FLVCR1: variants seen among roughly 807,000 people sequenced by gnomAD.
The protein encoded by FLVCR1 is FLVCR choline and heme transporter 1.
FLVCR1 carries 34 observed loss-of-function variants against 53.6 expected under a neutral mutation model. That is an observed-to-expected ratio of 0.63 (90% CI 0.48 to 0.84). The LOEUF is 0.84. FLVCR1 is among the 40% of genes least tolerant of loss of function. FLVCR1 has a pLI of 0.00. For synonymous variants in FLVCR1, 300 were observed against 286.3 expected, an observed-to-expected ratio of 1.05 and a Z score of -0.48; for missense variants, 677 against 696.7, an observed-to-expected ratio of 0.97 and a Z score of 0.32.
At position 212,875,679 on chromosome 1, in the gene FLVCR1, A is replaced by G. The variant is rs545977269; in HGVS notation, c.1024+2861A>G. ...ATGTGGCAAAACCCCATGTTTACTA[A>G]AAATACAAAAATTAGCTGGGCATGG... On this transcript the variant is annotated intron_variant, in intron 3 of 9. Transcript: ENST00000366971. Among the ~76,000 whole-genome samples the G allele has an allele frequency of 1.1e-4, 17 of 151,948 alleles. No homozygotes were observed. The South Asian group carries it at 3.3e-3, about 30-fold the overall frequency.
At chr1:212,884,124 A>G (rs1249572334) in intron 4 of FLVCR1, among the ~76,000 whole-genome samples, 1 of 152,042 alleles carries the variant, frequency 6.6e-6, no homozygotes, top group East Asian at 1.9e-4. Context: ...ACATGGAGAA[A>G]CCCTGTCTCT....
chr1:212,870,952 T>C (rs375007278), intron 2 of FLVCR1, among the ~76,000 whole-genome samples: 5 of 152,282 alleles, frequency 3.3e-5, no homozygotes, highest in East Asian at 3.9e-4. Flanking sequence ...TAATTTTTTG[T>C]AGAGACGGGG....
At chr1:212,883,560 T>C in intron 4 of FLVCR1, 122 bp downstream of exon 4, 1 of 647,070 alleles carries the variant, frequency 1.5e-6, no homozygotes. Context: ...ATATTTACAT[T>C]TGTTTTAATT....
intron 2 of FLVCR1, among the ~76,000 whole-genome samples, chr1:212,868,631 A>G (rs1005401344): frequency 6.6e-6 from 1 of 151,714 alleles, no homozygotes; most frequent in Non-Finnish European, 1.5e-5. Context: ...CTGGATTCAA[A>G]CTCCTGACCT....
Position 212,872,188 on chromosome 1 carries a change from C to T in FLVCR1, c.884-490C>T, listed in dbSNP as rs531136162. On this transcript the variant is annotated intron_variant, in intron 2 of 9. Coordinates refer to ENST00000366971, the MANE Select transcript of FLVCR1 (RefSeq NM_014053.4). The stretch of plus-strand genomic sequence containing the variant: ...GGAGTGCAATGGCGCAGTCACAGCT[C>T]ACTGCAGCCTTGACCTCCCAGGCTC... 3.3e-5 allele frequency among the ~76,000 whole-genome samples: 5 copies of T among 152,130 alleles called. No homozygotes were observed. The South Asian group carries it at 1.0e-3, about 32-fold the overall frequency.
intron 1 of FLVCR1, among the ~76,000 whole-genome samples, chr1:212,860,588 T>C (rs76886848): frequency 0.023 from 3,478 of 152,164 alleles, 62 homozygotes; most frequent in South Asian, 0.041. Context: ...GTCACTCTCT[T>C]TACATTATTT....
chr1:212,860,350 G>GTGTTTTTTTTTTTTTTTTTTTTTTTTTTT (rs1664185756), intron 1 of FLVCR1, among the ~76,000 whole-genome samples: 1 of 85,824 alleles, frequency 1.2e-5, no homozygotes, highest in East Asian at 4.1e-4. Flanking sequence ...TGTGTGTGTG[G>GTGTTTTTTTTTTTTTTTTTTTTTTTTTTT]TTTTTTTTTT....
chr1:212,869,501 A>G (rs531558832), intron 2 of FLVCR1, among the ~76,000 whole-genome samples: 6 of 152,354 alleles, frequency 3.9e-5, no homozygotes, highest in Admixed American at 3.3e-4. Flanking sequence ...TCTTGTATTC[A>G]AAAAATAAAT....
chr1:212,889,354 A>C, intron 8 of FLVCR1, 97 bp downstream of exon 8: 1 of 774,926 alleles, frequency 1.3e-6, no homozygotes, highest in South Asian at 1.4e-5. Flanking sequence ...AAGGGGAAAA[A>C]AATGAGATAA....
intron 6 of FLVCR1, 122 bp downstream of exon 6, chr1:212,888,123 G>T: frequency 3.0e-6 from 2 of 675,906 alleles, no homozygotes; most frequent in Non-Finnish European, 5.2e-6. Context: ...AACTTTAAAG[G>T]ATTCATTCTA....
intron 2 of FLVCR1, among the ~76,000 whole-genome samples, chr1:212,871,664 G>A (rs1664600388): frequency 6.6e-6 from 1 of 152,128 alleles, no homozygotes; most frequent in South Asian, 2.1e-4. Flanking sequence ...GATTACAAAA[G>A]TGAGCACCAT....
chr1:212,872,982 C>G lies in FLVCR1; in HGVS notation c.1024+164C>G, dbSNP rs191609109. Among the ~76,000 whole-genome samples, 388 of 152,220 alleles carry G rather than the reference C, an allele frequency of 2.5e-3. 4 individuals are homozygous for G. The highest frequency in any genetic ancestry group is 0.015 in the South Asian group (72 of 4,816). ...AAGCAGAAAATCCAGGATGGATCTTCTTACATATTTTTAAAAATAATAATT... is the reference window on the plus strand; with the variant it reads ...AAGCAGAAAATCCAGGATGGATCTTGTTACATATTTTTAAAAATAATAATT... On this transcript the variant is annotated intron_variant, in intron 3 of 9. Transcript: ENST00000366971.
chr1:212,863,928 C>T lies in FLVCR1; in HGVS notation c.883+59C>T, dbSNP rs995750917. ...ATGCATGATAGAAATTTGAGAATAA[C>T]TAACTCTGGAAATTTTTGTTGATAA... On this transcript the variant is annotated intron_variant, in intron 2 of 9. Transcript: ENST00000366971. The T allele has an allele frequency of 5.0e-5, 72 of 1,440,636 alleles. 5 individuals carry two copies. The highest frequency in any genetic ancestry group is 2.3e-5 in the East Asian group (1 of 43,964). 89.2% of individuals were successfully genotyped at this position (1,440,636 alleles called of 1,614,324 possible).
At position 212,883,328 on chromosome 1, in the gene FLVCR1, T is replaced by A. The variant is rs369619291; in HGVS notation, c.1025-43T>A. 114 of 1,033,856 alleles carry A rather than the reference T, an allele frequency of 1.1e-4. No individual in the cohort carries two copies. In the African/African-American group the frequency reaches 1.7e-3, roughly 15 times the overall value. The allele number at this position is 1,033,856 out of a possible 1,614,324, so 64.0% of individuals were successfully genotyped here. On this transcript the variant is annotated intron_variant, in intron 3 of 9. Transcript: ENST00000366971. Reference sequence around the variant, plus strand: ...ACACTTTTAGTATTCTCTTTATTATTGTAGGTATCATGACTTAATATCATC... The same window carrying A: ...ACACTTTTAGTATTCTCTTTATTATAGTAGGTATCATGACTTAATATCATC...
intron 1 of FLVCR1, among the ~76,000 whole-genome samples, chr1:212,860,943 C>T (rs1402987657): frequency 6.6e-6 from 1 of 152,216 alleles, no homozygotes; most frequent in African/African-American, 2.4e-5. Flanking sequence ...ACAGCTCTCA[C>T]CTAGAGCTTG....
rs1048267847 is a variant in FLVCR1, at chr1:212,898,652, A to G, written c.*3362A>G. ...GAGTGAAAGTTGTCTGTAATATGTC[A>G]AGCAAGAATGTTATAATTCTACAGT... On this transcript the variant is annotated 3_prime_UTR_variant, in exon 10 of 10. Transcript: ENST00000366971. 2.0e-5 allele frequency: 3 copies of G among 152,228 alleles called. No homozygotes were observed. The highest frequency in any genetic ancestry group is 2.4e-5 in the African/African-American group (1 of 41,462). 9.4% of individuals were successfully genotyped at this position (152,228 alleles called of 1,614,324 possible).
chr1:212,858,981 G>C lies in FLVCR1; in HGVS notation c.529G>C (p.Ala177Pro). The change falls in exon 1 of 10, where the codon GCC becomes CCC. Residue 177 changes from alanine (A) to proline (P), a missense_variant. Ala to Pro is a conservative substitution (Grantham distance 27, BLOSUM62 -1). Transcript: ENST00000366971. ...GGACACCAGAGGCCTGCGGCTCACC[G>C]CCCTGCTGGGCTCCGGCCTCAACTG... Reference protein sequence around the residue: ...LLDTRGLRLTALLGSGLNCLG... With the variant: ...LLDTRGLRLTPLLGSGLNCLG... 6.2e-7 allele frequency: 1 copy of C among 1,613,844 alleles called. No individual in the cohort carries two copies. Among genetic ancestry groups the C allele is most frequent in the South Asian group, 1.1e-5 (1 of 91,074 alleles).
chr1:212,892,939 G>A (rs1213380574), intron 8 of FLVCR1, among the ~76,000 whole-genome samples: 2 of 152,112 alleles, frequency 1.3e-5, no homozygotes, highest in Admixed American at 1.3e-4. Context: ...CTTCAGTGGA[G>A]GAAATAGCTG....
At position 212,871,532 on chromosome 1, in the gene FLVCR1, T is replaced by C. The variant is rs539421880; in HGVS notation, c.884-1146T>C. On this transcript the variant is annotated intron_variant, in intron 2 of 9. Transcript: ENST00000366971. ...GCGATCCTGAAGCGATCCTCTCGCT[T>C]CAGCCTCGCAAGTAGCTAGGATTAC... 1.1e-3 allele frequency among the ~76,000 whole-genome samples: 166 copies of C among 152,250 alleles called. 8 individuals are homozygous for C. The South Asian group carries it at 0.034, about 31-fold the overall frequency.
Sources: gnomAD v4.1 joint callset for allele counts (sites outside exome capture counted in the v4.1 genomes callset) on GRCh38, gnomAD v4.1.1 for gene constraint, MANE v1.5 for transcripts, NCBI Gene and HGNC (gene_info 2026-07-23, HGNC 2026-07-21) for gene names.